KCNIP4: variants seen among roughly 807,000 people sequenced by gnomAD.
KCNIP4 encodes potassium voltage-gated channel interacting protein 4, also known as Kv channel-interacting protein 4.
Under a neutral mutation model 34.0 loss-of-function variants are expected in KCNIP4, and 12 were observed. The observed-to-expected ratio is 0.35, with a 90% CI of 0.23 to 0.57. KCNIP4 has a LOEUF of 0.57. Among genes scored for constraint, KCNIP4 ranks in the 20% least tolerant of loss-of-function variants. The pLI, the probability that KCNIP4 is intolerant of heterozygous loss-of-function variation, is 0.83. For synonymous variants in KCNIP4, 124 were observed against 102.2 expected, an observed-to-expected ratio of 1.21 and a Z score of -1.29; for missense variants, 238 against 311.7, an observed-to-expected ratio of 0.76 and a Z score of 1.78.
At chr4:21,377,383 A>G (rs1577261638) in intron 1 of KCNIP4, among the ~76,000 whole-genome samples, 1 of 152,242 alleles carries the variant, frequency 6.6e-6, no homozygotes, top group East Asian at 1.9e-4. Flanking sequence ...AGACAAATAA[A>G]TGGTGATAGA....
intron 1 of KCNIP4, among the ~76,000 whole-genome samples, chr4:21,659,920 A>G (rs1049482966): frequency 1.3e-5 from 2 of 152,102 alleles, no homozygotes; most frequent in South Asian, 2.1e-4. Context: ...CACCAACAAG[A>G]GTTTGTTTCC....
intron 1 of KCNIP4, among the ~76,000 whole-genome samples, chr4:21,228,507 G>T (rs944145533): frequency 6.6e-6 from 1 of 152,112 alleles, no homozygotes; most frequent in Non-Finnish European, 1.5e-5. Context: ...GCCCCATCCT[G>T]CAGTCAACCA....
At chr4:21,276,678 T>TAATCC (rs1762461351) in intron 1 of KCNIP4, among the ~76,000 whole-genome samples, 1 of 152,166 alleles carries the variant, frequency 6.6e-6, no homozygotes. Context: ...CCTCCCTTCT[T>TAATCC]TTTTTCTAAT....
chr4:20,942,544 T>C (rs985700398), intron 1 of KCNIP4, among the ~76,000 whole-genome samples: 14 of 152,178 alleles, frequency 9.2e-5, no homozygotes, highest in Non-Finnish European at 1.9e-4. Flanking sequence ...AACTATGACG[T>C]AGGGCCATTA....
At chr4:21,245,471 T>G (rs1760129437) in intron 1 of KCNIP4, among the ~76,000 whole-genome samples, 1 of 152,228 alleles carries the variant, frequency 6.6e-6, no homozygotes, top group South Asian at 2.1e-4. Context: ...TTTTCATTTT[T>G]ACTCAAACTT....
intron 1 of KCNIP4, among the ~76,000 whole-genome samples, chr4:20,978,833 G>A (rs1332529610): frequency 6.6e-6 from 1 of 151,990 alleles, no homozygotes; most frequent in Non-Finnish European, 1.5e-5. Flanking sequence ...TATCTTGAAG[G>A]CAGCAACTAT....
At chr4:21,671,478 A>G (rs1749498132) in intron 1 of KCNIP4, among the ~76,000 whole-genome samples, 2 of 152,224 alleles carry the variant, frequency 1.3e-5, no homozygotes, top group Non-Finnish European at 2.9e-5. Flanking sequence ...ACATTTGGAG[A>G]AAATTTCCAT....
At chr4:21,886,582 T>G (rs529578343) in intron 1 of KCNIP4, among the ~76,000 whole-genome samples, 43 of 152,260 alleles carry the variant, frequency 2.8e-4, no homozygotes, top group African/African-American at 9.9e-4. Flanking sequence ...AGGGTCTACA[T>G]AAAGCTTCCA....
At chr4:21,650,705 ATCAC>A (rs1347618657) in intron 1 of KCNIP4, among the ~76,000 whole-genome samples, 1 of 152,186 alleles carries the variant, frequency 6.6e-6, no homozygotes, top group Non-Finnish European at 1.5e-5. Flanking sequence ...TGAATTTATT[ATCAC>A]TCAGTTTCTG....
intron 1 of KCNIP4, among the ~76,000 whole-genome samples, chr4:21,451,647 T>C (rs1264680529): frequency 6.6e-6 from 1 of 152,134 alleles, no homozygotes; most frequent in Non-Finnish European, 1.5e-5. Flanking sequence ...ATTTTGTCCA[T>C]AATAACAGAT....
At chr4:21,288,985 GA>G (rs369616748) in intron 1 of KCNIP4, among the ~76,000 whole-genome samples, 1 of 152,014 alleles carries the variant, frequency 6.6e-6, no homozygotes, top group African/African-American at 2.4e-5. Flanking sequence ...GTTAATAAAG[GA>G]AAACTAAGAA....
intron 1 of KCNIP4, among the ~76,000 whole-genome samples, chr4:21,747,199 C>A (rs1716834914): frequency 6.6e-6 from 1 of 152,008 alleles, no homozygotes; most frequent in South Asian, 2.1e-4. Context: ...CATTTATGCC[C>A]CAGAAATAAA....
chr4:20,997,993 G>A (rs528759563), intron 1 of KCNIP4, among the ~76,000 whole-genome samples: 2 of 152,288 alleles, frequency 1.3e-5, no homozygotes, highest in South Asian at 2.1e-4. Flanking sequence ...GAGCTGTTAA[G>A]CTGATAACTT....
intron 1 of KCNIP4, among the ~76,000 whole-genome samples, chr4:21,267,959 G>T (rs984112378): frequency 1.3e-5 from 2 of 151,920 alleles, no homozygotes; most frequent in Non-Finnish European, 2.9e-5. Context: ...GTAGAATTCA[G>T]CTGTGAATCC....
chr4:21,353,605 G>T (rs1350590445), intron 1 of KCNIP4, among the ~76,000 whole-genome samples: 1 of 152,070 alleles, frequency 6.6e-6, no homozygotes, highest in Non-Finnish European at 1.5e-5. Context: ...AGAAAAATAA[G>T]TAAAAAGAAA....
At chr4:21,853,065 T>C (rs770528452) in intron 1 of KCNIP4, 1 of 152,160 alleles carries the variant, frequency 6.6e-6, no homozygotes, top group Non-Finnish European at 1.5e-5. Context: ...AGTAGTAAGA[T>C]TGACCAGGTT....
intron 1 of KCNIP4, among the ~76,000 whole-genome samples, chr4:21,182,371 C>T (rs1465616711): frequency 6.6e-6 from 1 of 152,028 alleles, no homozygotes; most frequent in East Asian, 1.9e-4. Flanking sequence ...GCAGTCCAGA[C>T]CATACATTTT....
intron 1 of KCNIP4, among the ~76,000 whole-genome samples, chr4:21,212,255 C>A (rs528979489): frequency 3.3e-5 from 5 of 152,322 alleles, no homozygotes; most frequent in African/African-American, 1.2e-4. Context: ...AAGTCACTGT[C>A]ATGTCTCTGC....
At chr4:20,809,002 G>T (rs1003047058) in intron 3 of KCNIP4, among the ~76,000 whole-genome samples, 1 of 152,160 alleles carries the variant, frequency 6.6e-6, no homozygotes, top group East Asian at 1.9e-4. Context: ...ATCATTCTTT[G>T]TATTTCCAGC....
Sources: gnomAD v4.1 joint callset for allele counts (sites outside exome capture counted in the v4.1 genomes callset) on GRCh38, gnomAD v4.1.1 for gene constraint, MANE v1.5 for transcripts, NCBI Gene and HGNC (gene_info 2026-07-23, HGNC 2026-07-21) for gene names.